The following EDA variants were observed in gnomAD, a reference collection of about 807,000 sequenced individuals.
EDA encodes ectodysplasin-A.
In EDA, 2 loss-of-function variants were observed where a neutral mutation model predicts 23.6. The ratio of observed to expected loss-of-function variants is 0.08; its 90% CI spans 0.03 to 0.27. The LOEUF is 0.27. Among genes scored for constraint, EDA ranks in the 10% least tolerant of loss-of-function variants. The pLI is 1.00. For synonymous variants in EDA, 131 were observed against 132.0 expected (o/e 0.99, Z 0.05); for missense variants, 229 against 324.2 (o/e 0.71, Z 2.26).
intron 1 of EDA, among the ~76,000 whole-genome samples, chrX:69,678,998 C>G (rs1353241149): frequency 2.0e-4 from 19 of 93,522 alleles, no homozygotes; most frequent in East Asian, 3.8e-4. Context: ...TACGTCCCAT[C>G]AATACCTAAT....
chrX:69,678,388 A>G (rs1341648761), intron 1 of EDA, among the ~76,000 whole-genome samples: 1 of 111,588 alleles, frequency 9.0e-6, no homozygotes, highest in African/African-American at 3.3e-5. Context: ...TGGGGATGAC[A>G]TTGAATCTGT....
intron 1 of EDA, among the ~76,000 whole-genome samples, chrX:69,809,895 A>T (rs2015902883): frequency 9.0e-6 from 1 of 110,950 alleles, no homozygotes; most frequent in Non-Finnish European, 1.9e-5. Flanking sequence ...TTGTTTTAGT[A>T]AATGTTGGAT....
intron 1 of EDA, among the ~76,000 whole-genome samples, chrX:69,867,757 G>T (rs2017508754): frequency 1.8e-5 from 2 of 112,162 alleles, no homozygotes; most frequent in Admixed American, 9.4e-5. Flanking sequence ...GGCCATTGGT[G>T]CAGGCTGGGG....
intron 2 of EDA, among the ~76,000 whole-genome samples, chrX:69,977,179 C>T (rs1286617977): frequency 8.9e-6 from 1 of 112,051 alleles, no homozygotes; most frequent in Non-Finnish European, 1.9e-5. Context: ...ATTAGAATCT[C>T]TTTCCTCTCC....
intron 2 of EDA, among the ~76,000 whole-genome samples, chrX:70,014,469 C>G (rs1475257639): frequency 8.9e-6 from 1 of 112,498 alleles, no homozygotes. Context: ...AAAGGAACAT[C>G]AGCCCACGCA....
At chrX:69,823,109 G>A (rs1269173013) in intron 1 of EDA, among the ~76,000 whole-genome samples, 1 of 92,148 alleles carries the variant, frequency 1.1e-5, no homozygotes, top group African/African-American at 4.5e-5. Flanking sequence ...TTGGACATTT[G>A]GGTTGGATCC....
chrX:69,616,424 G>A lies in EDA; in HGVS notation c.116G>A (p.Ser39Asn). Residue 39 changes from serine to asparagine, a missense_variant, in exon 1 of 8, where the codon AGC becomes AAC. Ser to Asn is a conservative substitution (Grantham distance 46, BLOSUM62 1). This residue lies in a region of EDA where 54 missense variants were observed against 42.4 expected (regional missense o/e 1.27). Coordinates refer to ENST00000374552, the MANE Select transcript of EDA (RefSeq NM_001399.5). ...GAPARAGEGN[S>N]CLLFLGFFGL... The stretch of plus-strand genomic sequence containing the variant: ...CCTGCCCGGGCGGGCGAAGGGAACA[G>A]CTGCCTGCTCTTCCTGGGTTTCTTT... The A allele has an allele frequency of 8.3e-7, 1 of 1,211,410 alleles. No homozygotes were observed. Among genetic ancestry groups the A allele is most frequent in the Non-Finnish European group, 1.1e-6 (1 of 895,420 alleles).
chrX:69,912,769 CTTT>C (rs750059116), intron 1 of EDA, among the ~76,000 whole-genome samples: 17 of 79,176 alleles, frequency 2.1e-4, no homozygotes, highest in Non-Finnish European at 3.4e-4. Context: ...TTTTTCTTTT[CTTT>C]TTTTTTTTTT....
chrX:69,839,843 C>T (rs888881483), intron 1 of EDA, among the ~76,000 whole-genome samples: 1 of 112,133 alleles, frequency 8.9e-6, no homozygotes, highest in Non-Finnish European at 1.9e-5. Context: ...GACCTCAAAA[C>T]GATTTCAGAG....
At chrX:69,643,227 A>G (rs1004306403) in intron 1 of EDA, among the ~76,000 whole-genome samples, 1 of 110,647 alleles carries the variant, frequency 9.0e-6, no homozygotes, top group Admixed American at 9.7e-5. Context: ...AAAAAGACCT[A>G]GTCATATTTT....
intron 2 of EDA, among the ~76,000 whole-genome samples, chrX:69,963,954 C>T (rs1480854364): frequency 6.3e-5 from 7 of 111,583 alleles, no homozygotes; most frequent in South Asian, 3.8e-4. Context: ...CCCACTGCCC[C>T]GCTACAATAC....
At chrX:69,717,361 C>T (rs1362187331) in intron 1 of EDA, among the ~76,000 whole-genome samples, 2 of 110,879 alleles carry the variant, frequency 1.8e-5, no homozygotes, top group Admixed American at 9.6e-5. Flanking sequence ...CTATTTTCTT[C>T]AGTGCTATTG....
At chrX:69,989,690 G>A (rs929511231) in intron 2 of EDA, among the ~76,000 whole-genome samples, 1 of 111,160 alleles carries the variant, frequency 9.0e-6, no homozygotes, top group African/African-American at 3.3e-5. Context: ...TAAGCAAATA[G>A]AAATTATAGA....
chrX:69,689,448 G>T (rs1388569818), intron 1 of EDA, among the ~76,000 whole-genome samples: 1 of 108,567 alleles, frequency 9.2e-6, no homozygotes, highest in East Asian at 2.9e-4. Context: ...CGAGTCTCCT[G>T]TCTCAGCCTC....
intron 1 of EDA, among the ~76,000 whole-genome samples, chrX:69,671,655 G>A (rs773756876): frequency 1.8e-5 from 2 of 111,651 alleles, no homozygotes; most frequent in Admixed American, 1.9e-4. Context: ...GGGTGGCAGA[G>A]GCAAGGTGTT....
chrX:69,643,141 C>T (rs1029606329), intron 1 of EDA, among the ~76,000 whole-genome samples: 8 of 110,859 alleles, frequency 7.2e-5, no homozygotes, highest in African/African-American at 2.6e-4. Context: ...TAGAACAGTG[C>T]CTAGCATATA....
intron 1 of EDA, among the ~76,000 whole-genome samples, chrX:69,908,767 A>T (rs930301047): frequency 2.7e-5 from 3 of 110,050 alleles, no homozygotes; most frequent in Admixed American, 9.8e-5. Context: ...GAATAGTTGG[A>T]ACTGAGTGGA....
chrX:69,933,542 A>G (rs2018629781), intron 1 of EDA, among the ~76,000 whole-genome samples: 1 of 110,648 alleles, frequency 9.0e-6, no homozygotes, highest in African/African-American at 3.3e-5. Context: ...TTAGCTGGGT[A>G]TGGTGGTGCC....
At chrX:69,639,822 T>A (rs1405280702) in intron 1 of EDA, among the ~76,000 whole-genome samples, 1 of 112,019 alleles carries the variant, frequency 8.9e-6, no homozygotes, top group East Asian at 2.8e-4. Context: ...TATCAAGAAA[T>A]CTTGAAAAAT....
Sources: gnomAD v4.1 joint callset for allele counts (sites outside exome capture counted in the v4.1 genomes callset) on GRCh38, gnomAD v4.1.1 for gene constraint, gnomAD v4.1.1 regional missense constraint, MANE v1.5 for transcripts, NCBI Gene and HGNC (gene_info 2026-07-23, HGNC 2026-07-21) for gene names.